The following AGL variants were observed in gnomAD, a reference collection of about 807,000 sequenced individuals.
The protein encoded by AGL is amylo-alpha-1,6-glucosidase and 4-alpha-glucanotransferase, also known as glycogen debranching enzyme.
Under a neutral mutation model 199.3 loss-of-function variants are expected in AGL, and 128 were observed. The observed-to-expected ratio is 0.64, with a 90% CI of 0.56 to 0.74. The LOEUF (loss-of-function observed/expected upper bound fraction) is 0.74. Ranked by LOEUF, AGL falls within the 30% of genes least tolerant of loss-of-function variation. AGL has a pLI of 0.00. For synonymous variants in AGL, 584 were observed against 594.7 expected, an observed-to-expected ratio of 0.98 and a Z score of 0.26; for missense variants, 1,809 against 1,820.8, an observed-to-expected ratio of 0.99 and a Z score of 0.12.
intron 25 of AGL, among the ~76,000 whole-genome samples, chr1:99,900,283 T>C (rs1293799952): frequency 6.6e-6 from 1 of 152,190 alleles, no homozygotes; most frequent in Admixed American, 6.5e-5. Context: ...TTTAAAATAA[T>C]TAAGTTCTTG....
At chr1:99,852,197 GCTA>G (rs1421823059) in intron 2 of AGL, among the ~76,000 whole-genome samples, 3 of 151,928 alleles carry the variant, frequency 2.0e-5, no homozygotes, top group Non-Finnish European at 4.4e-5. Flanking sequence ...TTGCCTCTGT[GCTA>G]ATGACTACTT....
rs1384588779 is a variant in AGL at position 99,869,105 on chromosome 1, G to A, written c.665-1295G>A. Among the ~76,000 whole-genome samples, 10 of 152,102 alleles carry A rather than the reference G, an allele frequency of 6.6e-5. No individual in the cohort carries two copies. In the East Asian group the frequency reaches 7.7e-4, roughly 12 times the overall value. On this transcript the variant is annotated intron_variant, in intron 5 of 33. Coordinates refer to ENST00000361915, the MANE Select transcript of AGL (RefSeq NM_000642.3). Reference sequence around the variant, plus strand: ...CTCCCAAAGTGCTGAGATTACAGGCGTGAGCCACTGCACCTAGCCCCAATA... The same window carrying A: ...CTCCCAAAGTGCTGAGATTACAGGCATGAGCCACTGCACCTAGCCCCAATA...
chr1:99,854,757 C>T (rs1161911028), intron 2 of AGL, among the ~76,000 whole-genome samples: 2 of 143,410 alleles, frequency 1.4e-5, no homozygotes, highest in Non-Finnish European at 3.1e-5. Context: ...GAGCAAGATG[C>T]CGTCTCAAAA....
rs748142986 is a variant in AGL, at chr1:99,870,798, T to G, written c.887T>G (p.Leu296Arg). 115 of 1,611,782 alleles carry G rather than the reference T, an allele frequency of 7.1e-5. No individual in the cohort carries two copies. The South Asian group carries it at 8.8e-4, about 12-fold the overall frequency. The change falls in exon 7 of 34, where the codon CTT becomes CGT. Residue 296 changes from leucine (L) to arginine (R), a missense_variant. Coordinates refer to ENST00000361915, the MANE Select transcript of AGL (RefSeq NM_000642.3). The stretch of plus-strand genomic sequence containing the variant: ...ATTTGGGAGGATATTTTTCCAAAGC[T>G]TAAACTCTGGGAATTTTTCCAAGTA... ...KIIWEDIFPK[L>R]KLWEFFQVDV... is the part of the protein sequence containing the mutation.
chr1:99,890,958 T>C (rs373897265), intron 21 of AGL, among the ~76,000 whole-genome samples: 1 of 152,140 alleles, frequency 6.6e-6, no homozygotes, highest in South Asian at 2.1e-4. Context: ...GTCCCAGAAG[T>C]TATGAATCCT....
At chr1:99,910,970 T>G in intron 28 of AGL, 123 bp downstream of exon 28, 2 of 1,025,840 alleles carry the variant, frequency 1.9e-6, no homozygotes, top group Non-Finnish European at 2.9e-6. Context: ...TTCCCTGCCT[T>G]CTTCCCTTCA....
rs773230286 is a variant in AGL, at chr1:99,884,086, GA to G, written c.2309-31del. On this transcript the variant is annotated intron_variant, in intron 17 of 33. Transcript: ENST00000361915. Reference sequence around the variant, plus strand: ...TTCCTAATTTTGGATGATTCCATATGAAATTTTGTTAAAATGTTTTTATGTA... The same window carrying G: ...TTCCTAATTTTGGATGATTCCATATGAATTTTGTTAAAATGTTTTTATGTA... 5.1e-6 allele frequency: 8 copies of G among 1,577,856 alleles called. No homozygotes were observed. The East Asian group carries it at 1.1e-4, about 22-fold the overall frequency.
chr1:99,910,844 C>G lies in AGL; in HGVS notation c.3833C>G (p.Pro1278Arg). ...RARNRGIPAT[P>R]RDGSAVEIVG... ...AGAAACAGAGGAATCCCAGCCACAC[C>G]AAGGTAGTGTAAATGTTATAATGCT... The change falls in exon 28 of 34, where the codon CCA becomes CGA. Residue 1278 changes from proline (P) to arginine (R), a missense_variant. Coordinates refer to ENST00000361915, the MANE Select transcript of AGL (RefSeq NM_000642.3). 5 of 1,612,284 alleles carry G rather than the reference C, an allele frequency of 3.1e-6. No homozygotes were observed. Among genetic ancestry groups the G allele is most frequent in the Non-Finnish European group, 4.2e-6 (5 of 1,178,884 alleles).
At position 99,875,432 on chromosome 1, in the gene AGL, T is replaced by C. The variant is rs755271123; in HGVS notation, c.1260T>C (p.Thr420=). The C allele has an allele frequency of 8.1e-6, 13 of 1,614,040 alleles. No homozygotes were observed. The highest frequency in any genetic ancestry group is 1.6e-4 in the Middle Eastern group (1 of 6,082). ...AGHGPKLGPV[T]RKHPLVTRYF... ...ATGGTCCAAAACTAGGACCTGTCAC[T>C]AGAAAGCATCCTTTAGTTACCAGGT... Residue 420 remains threonine, a synonymous_variant, in exon 10 of 34, where the codon ACT becomes ACC. Coordinates refer to ENST00000361915, the MANE Select transcript of AGL (RefSeq NM_000642.3).
At chr1:99,896,478 T>G in intron 25 of AGL, 90 bp downstream of exon 25, 1 of 1,011,646 alleles carries the variant, frequency 9.9e-7, no homozygotes, top group Non-Finnish European at 1.6e-6. Flanking sequence ...CCATCTTTTC[T>G]TAACATTTGG....
chr1:99,892,723 C>A, intron 24 of AGL, 116 bp downstream of exon 24: 1 of 983,518 alleles, frequency 1.0e-6, no homozygotes, highest in African/African-American at 1.6e-5. Context: ...TTTTATTTTA[C>A]CACTTAGTAC....
At chr1:99,891,119 C>G in intron 21 of AGL, 101 bp from the exon 22 acceptor site, 1 of 1,473,410 alleles carries the variant, frequency 6.8e-7, no homozygotes, top group Non-Finnish European at 9.5e-7. Context: ...ACGTATTCAC[C>G]CCAAATCACT....
chr1:99,896,311 T>C lies in AGL; in HGVS notation c.3285T>C (p.Ile1095=), dbSNP rs1001979900. 2 of 1,613,988 alleles carry C rather than the reference T, an allele frequency of 1.2e-6. No individual in the cohort carries two copies. Residue 1095 remains isoleucine (I), a synonymous_variant, in exon 25 of 34, where the codon ATT becomes ATC. Transcript: ENST00000361915. ...AAGLPHFSSG[I]FRCWGRDTFI... is the part of the protein sequence containing the mutation. ...GCTTACCTCATTTTTCTTCTGGTAT[T>C]TTCCGCTGCTGGGGAAGGGATACTT...
At chr1:99,918,364 G>A (rs1655283689) in intron 33 of AGL, among the ~76,000 whole-genome samples, 2 of 152,256 alleles carry the variant, frequency 1.3e-5, no homozygotes, top group East Asian at 1.9e-4. Context: ...TTTTGAACAT[G>A]TGGAATATGA....
chr1:99,886,060 C>A lies in AGL; in HGVS notation c.2681+1357C>A, dbSNP rs995920758. On this transcript the variant is annotated intron_variant, in intron 20 of 33. Coordinates refer to ENST00000361915, the MANE Select transcript of AGL (RefSeq NM_000642.3). ...TAATAATTAATACTTTCAGCTCTAT[C>A]CAAGAGTTTCCATCATTAGCAATAC... is the stretch of plus-strand genomic sequence containing the variant. Among the ~76,000 whole-genome samples, 4 of 152,250 alleles carry A rather than the reference C, an allele frequency of 2.6e-5. No individual in the cohort carries two copies. The East Asian group carries it at 7.7e-4, about 29-fold the overall frequency.
Position 99,902,635 on chromosome 1 carries a change from G to T in AGL, c.3589-48G>T. 3 of 1,440,546 alleles carry T rather than the reference G, an allele frequency of 2.1e-6. No homozygotes were observed. In the South Asian group the frequency reaches 3.4e-5, roughly 17 times the overall value. 89.2% of individuals were successfully genotyped at this position (1,440,546 alleles called of 1,614,324 possible). On this transcript the variant is annotated intron_variant, in intron 26 of 33. Transcript: ENST00000361915. ...AGTTGTCGGATTTGGGGGAAAATAA[G>T]AAAAATGTAATTTCTAACAGAGGTA...
chr1:99,914,302 G>A (rs1158108816), intron 30 of AGL, among the ~76,000 whole-genome samples: 4 of 152,162 alleles, frequency 2.6e-5, no homozygotes, highest in African/African-American at 9.7e-5. Context: ...ACACTAGTTG[G>A]AAAGCCCTGA....
chr1:99,870,440 C>T lies in AGL; in HGVS notation c.705C>T (p.Ala235=). 1 of 1,614,024 alleles carries T rather than the reference C, an allele frequency of 6.2e-7. No homozygotes were observed. The highest frequency in any genetic ancestry group is 1.1e-5 in the South Asian group (1 of 91,074). ...GGATCCAGGAACATCCAGAATGTGC[C>T]TATAATCTTGTGAATTCTCCACACT... is the stretch of plus-strand genomic sequence containing the variant. The part of the protein sequence containing the change: ...SKWIQEHPEC[A]YNLVNSPHLK... The change falls in exon 6 of 34, where the codon GCC becomes GCT. Residue 235 remains alanine (A), a synonymous_variant. Coordinates refer to ENST00000361915, the MANE Select transcript of AGL (RefSeq NM_000642.3).
intron 8 of AGL, 111 bp from the exon 9 acceptor site, chr1:99,875,043 G>A: frequency 1.8e-6 from 2 of 1,100,818 alleles, no homozygotes; most frequent in Non-Finnish European, 2.7e-6. Context: ...AGCCATAATT[G>A]AAATCCCGAT....
Sources: gnomAD v4.1 joint callset for allele counts (sites outside exome capture counted in the v4.1 genomes callset) on GRCh38, gnomAD v4.1.1 for gene constraint, MANE v1.5 for transcripts, NCBI Gene and HGNC (gene_info 2026-07-23, HGNC 2026-07-21) for gene names.